CACNG2: variants seen among roughly 807,000 people sequenced by gnomAD.
CACNG2 encodes the protein voltage-dependent calcium channel gamma-2 subunit.
Under a neutral mutation model 25.9 loss-of-function variants are expected in CACNG2, and 3 were observed. The observed-to-expected ratio is 0.12, with a 90% confidence interval of 0.05 to 0.30. The LOEUF is 0.30. CACNG2 is among the 10% of genes least tolerant of loss of function. The pLI is 1.00. For missense variants in CACNG2, 341 were observed against 432.5 expected, an observed-to-expected ratio of 0.79 and a Z score of 1.88; for synonymous variants, 167 against 173.3, an observed-to-expected ratio of 0.96 and a Z score of 0.29.
chr22:36,636,431 G>T (rs1327924627), intron 1 of CACNG2, among the ~76,000 whole-genome samples: 1 of 152,188 alleles, frequency 6.6e-6, no homozygotes. Context: ...AGCTTCTGTG[G>T]CATACACACA....
chr22:36,633,496 G>A (rs1222104996), intron 1 of CACNG2, among the ~76,000 whole-genome samples: 3 of 152,134 alleles, frequency 2.0e-5, no homozygotes, highest in South Asian at 2.1e-4. Flanking sequence ...ACATGGGAAC[G>A]GATCCAAACA....
rs764559738 is a variant in CACNG2 at position 36,702,539 on chromosome 22, G to A, written c.38C>T (p.Thr13Ile). 1.2e-6 allele frequency: 2 copies of A among 1,614,066 alleles called. No homozygotes were observed. Among genetic ancestry groups the A allele is most frequent in the East Asian group, 4.5e-5 (2 of 44,884 alleles). ...LFDRGVQMLLTTVGAFAAFSL... is the reference protein window; with the variant it reads ...LFDRGVQMLLITVGAFAAFSL... ...GAAGGCAGCGAAAGCACCAACGGTG[G>A]TTAAAAGCATTTGAACACCTCGATC... Residue 13 changes from threonine to isoleucine, a missense_variant, in exon 1 of 4, where the codon ACC becomes ATC. Physicochemically the swap from Thr to Ile is moderately conservative, Grantham distance 89. Around this residue, in one of 2 missense-constraint regions of CACNG2, gnomAD observed 169 missense variants for 254.4 expected, o/e 0.66. Transcript: ENST00000300105.
chr22:36,655,676 T>C (rs192324530), intron 1 of CACNG2, among the ~76,000 whole-genome samples: 4 of 152,140 alleles, frequency 2.6e-5, no homozygotes, highest in Admixed American at 2.0e-4. Flanking sequence ...TTTCTTTCTC[T>C]TCCTTTCTTC....
chr22:36,600,152 T>C (rs1019451206), intron 1 of CACNG2, among the ~76,000 whole-genome samples: 1 of 152,254 alleles, frequency 6.6e-6, no homozygotes, highest in African/African-American at 2.4e-5. Flanking sequence ...AAAGGGTATC[T>C]GAGCCACACT....
rs923823706 is a variant in CACNG2 at position 36,564,689 on chromosome 22, C to T, written c.634G>A (p.Ala212Thr). Residue 212 changes from alanine (A) to threonine (T), a missense_variant, in exon 4 of 4, where the codon GCC becomes ACC. Around this residue, in one of 2 missense-constraint regions of CACNG2, gnomAD observed 172 missense variants for 178.1 expected, o/e 0.97. Coordinates refer to ENST00000300105, the MANE Select transcript of CACNG2 (RefSeq NM_006078.5). This position sits in a 1 kb window ranked among gnomAD's most constrained non-coding sequence, Gnocchi z 6.7. ...IDRHKQLRAT[A>T]RATDYLQASA... Reference sequence around the variant, plus strand: ...GCCTGGAGGTAGTCCGTGGCGCGGGCCGTGGCCCGCAGCTGTTTGTGCCGG... The same window carrying T: ...GCCTGGAGGTAGTCCGTGGCGCGGGTCGTGGCCCGCAGCTGTTTGTGCCGG... The T allele has an allele frequency of 6.2e-6, 10 of 1,613,816 alleles. No individual in the cohort carries two copies. Among genetic ancestry groups the T allele is most frequent in the Non-Finnish European group, 6.8e-6 (8 of 1,179,950 alleles).
intron 1 of CACNG2, among the ~76,000 whole-genome samples, chr22:36,693,414 C>G (rs1459779785): frequency 6.6e-6 from 1 of 152,132 alleles, no homozygotes; most frequent in Non-Finnish European, 1.5e-5. Context: ...TAGTGCAAGT[C>G]ACCTGGTCAC....
chr22:36,684,379 G>C (rs1228785253), intron 1 of CACNG2, among the ~76,000 whole-genome samples: 1 of 152,056 alleles, frequency 6.6e-6, no homozygotes, highest in African/African-American at 2.4e-5. Context: ...ACTTTGGGAG[G>C]CCGAGGTGGG....
intron 1 of CACNG2, among the ~76,000 whole-genome samples, chr22:36,648,886 GC>G (rs1459067206): frequency 6.6e-6 from 1 of 151,732 alleles, no homozygotes; most frequent in East Asian, 1.9e-4. Flanking sequence ...TCTCTAACCC[GC>G]CATGCAAAGT....
intron 1 of CACNG2, among the ~76,000 whole-genome samples, chr22:36,634,220 G>C (rs1936321335): frequency 6.6e-6 from 1 of 152,230 alleles, no homozygotes; most frequent in African/African-American, 2.4e-5. Context: ...CATTTCTCAA[G>C]CTTCCTTTTG....
chr22:36,669,508 C>CAAAAA (rs1157379465), intron 1 of CACNG2, among the ~76,000 whole-genome samples: 5 of 61,646 alleles, frequency 8.1e-5, no homozygotes, highest in African/African-American at 1.2e-4. Context: ...ACTCTATCTC[C>CAAAAA]AAAAAAAAAA....
chr22:36,568,508 G>C (rs924712670), intron 2 of CACNG2, among the ~76,000 whole-genome samples: 10 of 151,918 alleles, frequency 6.6e-5, no homozygotes, highest in Admixed American at 3.3e-4. Flanking sequence ...AGGTTCAAGC[G>C]ATTCTCCTGC....
chr22:36,631,683 G>A (rs1936273567), intron 1 of CACNG2, among the ~76,000 whole-genome samples: 1 of 151,898 alleles, frequency 6.6e-6, no homozygotes, highest in African/African-American at 2.4e-5. Context: ...TCAGCCTCAG[G>A]ATAGCAAGAG....
intron 2 of CACNG2, among the ~76,000 whole-genome samples, chr22:36,569,589 G>T (rs1409955397): frequency 6.6e-6 from 1 of 152,214 alleles, no homozygotes; most frequent in African/African-American, 2.4e-5. Context: ...CCCCAGGCTG[G>T]AGTGCAGTGG....
chr22:36,640,338 G>A (rs943446279), intron 1 of CACNG2, among the ~76,000 whole-genome samples: 1 of 152,208 alleles, frequency 6.6e-6, no homozygotes, highest in African/African-American at 2.4e-5. Context: ...TCAAAGCAAG[G>A]GCTGGAGGGA....
intron 2 of CACNG2, among the ~76,000 whole-genome samples, chr22:36,573,751 C>T (rs954626792): frequency 6.6e-6 from 1 of 152,148 alleles, no homozygotes; most frequent in African/African-American, 2.4e-5. Context: ...GTGTGTCTAA[C>T]CACTGCATTC....
Position 36,563,667 on chromosome 22 carries a change from C to T in CACNG2, c.*684G>A, listed in dbSNP as rs920026135. ...TTGCCCCATCAATGCTGGGCGGAGC[C>T]GGCTCGAGCTCTGAGCCTTCCTGGA... On this transcript the variant is annotated 3_prime_UTR_variant, in exon 4 of 4. Transcript: ENST00000300105. Among the ~76,000 whole-genome samples the T allele has an allele frequency of 3.9e-5, 6 of 152,002 alleles. No individual in the cohort carries two copies. Among genetic ancestry groups the T allele is most frequent in the African/African-American group, 1.4e-4 (6 of 41,410 alleles).
intron 2 of CACNG2, among the ~76,000 whole-genome samples, chr22:36,576,672 T>G (rs1935321053): frequency 6.7e-6 from 1 of 149,830 alleles, no homozygotes; most frequent in South Asian, 2.1e-4. Flanking sequence ...GGGTGAGAAA[T>G]AGAAAGAGAA....
intron 1 of CACNG2, among the ~76,000 whole-genome samples, chr22:36,634,736 G>A (rs1437112344): frequency 6.6e-6 from 1 of 152,176 alleles, no homozygotes; most frequent in African/African-American, 2.4e-5. Flanking sequence ...GTTTTGCTAG[G>A]CTCTGAGGAG....
At chr22:36,594,222 G>A (rs544541499) in intron 1 of CACNG2, among the ~76,000 whole-genome samples, 2 of 152,268 alleles carry the variant, frequency 1.3e-5, no homozygotes, top group East Asian at 1.9e-4. Context: ...CCTGGCACTG[G>A]GATGGTAGAG....
Sources: gnomAD v4.1 joint callset for allele counts (sites outside exome capture counted in the v4.1 genomes callset) on GRCh38, gnomAD v4.1.1 for gene constraint, gnomAD v4.1.1 regional missense constraint, Gnocchi (gnomAD v3.1) non-coding constraint, MANE v1.5 for transcripts, NCBI Gene and HGNC (gene_info 2026-07-23, HGNC 2026-07-21) for gene names.